ZNF804A: variants seen among roughly 807,000 people sequenced by gnomAD.
ZNF804A encodes the protein zinc finger protein 804A.
In ZNF804A, 2 loss-of-function variants were observed where a neutral mutation model predicts 16.5. The observed-to-expected ratio is 0.12, with a 90% CI of 0.05 to 0.38. The LOEUF (loss-of-function observed/expected upper bound fraction) is 0.38. Among genes scored for constraint, ZNF804A ranks in the 10% least tolerant of loss-of-function variants. ZNF804A has a pLI of 0.99. For synonymous variants in ZNF804A, 534 were observed against 489.6 expected (o/e 1.09, Z -1.20); for missense variants, 1,473 against 1,390.7 (o/e 1.06, Z -0.94).
In ZNF804A at chr2:184,900,051, T is replaced by C. The variant is rs987483844; in HGVS notation, c.255+33539T>C. Among the ~76,000 whole-genome samples, 4 of 152,226 alleles carry C rather than the reference T, an allele frequency of 2.6e-5. No individual in the cohort carries two copies. In the East Asian group the frequency reaches 5.8e-4, roughly 22 times the overall value. On this transcript the variant is annotated intron_variant, in intron 2 of 3. Coordinates refer to ENST00000302277, the MANE Select transcript of ZNF804A (RefSeq NM_194250.2). ...AATAATAAAAATTATAATTCAGTTT[T>C]AAAATAAATAGAATCTAAGAAAAAT... is the stretch of plus-strand genomic sequence containing the variant.
At chr2:184,906,981 T>C (rs998810583) in intron 2 of ZNF804A, among the ~76,000 whole-genome samples, 11 of 152,172 alleles carry the variant, frequency 7.2e-5, no homozygotes, top group African/African-American at 2.7e-4. Flanking sequence ...GATCTCTGAC[T>C]GACAGCCAAC....
At chr2:184,604,931 A>G (rs928640088) in intron 1 of ZNF804A, among the ~76,000 whole-genome samples, 39 of 152,248 alleles carry the variant, frequency 2.6e-4, no homozygotes, top group African/African-American at 9.4e-4. Flanking sequence ...TTGCATTTTA[A>G]AATTGCAAAC....
intron 1 of ZNF804A, among the ~76,000 whole-genome samples, chr2:184,804,000 T>A (rs1694763127): frequency 6.6e-6 from 1 of 151,962 alleles, no homozygotes; most frequent in South Asian, 2.1e-4. Flanking sequence ...GTCTCTGGGA[T>A]TAGAGGTGTG....
At chr2:184,846,708 G>A (rs1037396288) in intron 1 of ZNF804A, among the ~76,000 whole-genome samples, 5 of 151,946 alleles carry the variant, frequency 3.3e-5, no homozygotes, top group African/African-American at 1.2e-4. Flanking sequence ...CAAACATGAA[G>A]GTGACTAATC....
intron 1 of ZNF804A, among the ~76,000 whole-genome samples, chr2:184,707,657 T>A (rs1453610848): frequency 6.6e-6 from 1 of 152,178 alleles, no homozygotes; most frequent in Non-Finnish European, 1.5e-5. Flanking sequence ...CCGTGGTGTA[T>A]ATGTATGATA....
chr2:184,738,280 A>G (rs912092861), intron 1 of ZNF804A, among the ~76,000 whole-genome samples: 4 of 150,868 alleles, frequency 2.7e-5, no homozygotes, highest in African/African-American at 9.7e-5. Context: ...GAGCACTGCT[A>G]AAAAAAAAGG....
At chr2:184,868,546 A>G (rs1402790486) in intron 2 of ZNF804A, among the ~76,000 whole-genome samples, 8 of 152,056 alleles carry the variant, frequency 5.3e-5, no homozygotes, top group Admixed American at 5.2e-4. Flanking sequence ...GCTGTACTTG[A>G]CACTTAAAAA....
chr2:184,810,813 T>C (rs979949389), intron 1 of ZNF804A, among the ~76,000 whole-genome samples: 10 of 152,208 alleles, frequency 6.6e-5, no homozygotes, highest in Admixed American at 1.3e-4. Context: ...TTTCATGAGA[T>C]TGATCAAATA....
intron 1 of ZNF804A, among the ~76,000 whole-genome samples, chr2:184,735,125 C>T (rs1693586184): frequency 1.3e-5 from 2 of 152,130 alleles, no homozygotes; most frequent in Non-Finnish European, 2.9e-5. Context: ...ATGTTTGTCT[C>T]TTAATTGTTG....
chr2:184,829,923 CAA>C (rs1558974950), intron 1 of ZNF804A, among the ~76,000 whole-genome samples: 4 of 66,460 alleles, frequency 6.0e-5, no homozygotes, highest in African/African-American at 3.0e-4. Context: ...AAAAAAAAAA[CAA>C]AAACAAAAAA....
chr2:184,893,506 G>A (rs1238774976), intron 2 of ZNF804A, among the ~76,000 whole-genome samples: 2 of 150,616 alleles, frequency 1.3e-5, no homozygotes, highest in East Asian at 1.9e-4. Context: ...TACATCAAAT[G>A]TTAAATTTTC....
intron 2 of ZNF804A, among the ~76,000 whole-genome samples, chr2:184,871,402 G>T (rs183499243): frequency 2.5e-5 from 3 of 121,922 alleles, no homozygotes; most frequent in East Asian, 2.3e-4. Context: ...CTGAAACATA[G>T]AAATTACTCC....
chr2:184,793,398 A>G (rs1319592067), intron 1 of ZNF804A, among the ~76,000 whole-genome samples: 1 of 152,118 alleles, frequency 6.6e-6, no homozygotes, highest in Admixed American at 6.6e-5. Context: ...CCCACAGTGT[A>G]TAAGTGTTGC....
chr2:184,888,051 T>C (rs1185778633), intron 2 of ZNF804A, among the ~76,000 whole-genome samples: 5 of 152,038 alleles, frequency 3.3e-5, no homozygotes, highest in Non-Finnish European at 7.4e-5. Context: ...TACAAAACAA[T>C]CTCAATAAGA....
chr2:184,842,451 T>G (rs1329898915), intron 1 of ZNF804A, among the ~76,000 whole-genome samples: 2 of 152,150 alleles, frequency 1.3e-5, no homozygotes, highest in African/African-American at 4.8e-5. Flanking sequence ...GCTAGAAGTT[T>G]TGAGAACTAT....
At chr2:184,664,352 A>G (rs892378476) in intron 1 of ZNF804A, among the ~76,000 whole-genome samples, 4 of 152,144 alleles carry the variant, frequency 2.6e-5, no homozygotes, top group Admixed American at 6.5e-5. Context: ...ATTATAAACT[A>G]CACAATATTA....
chr2:184,629,289 C>T (rs1046105036), intron 1 of ZNF804A, among the ~76,000 whole-genome samples: 1 of 151,938 alleles, frequency 6.6e-6, no homozygotes, highest in Non-Finnish European at 1.5e-5. Context: ...AATATCTTTC[C>T]TGCATTCCTT....
chr2:184,887,114 G>A (rs921919729), intron 2 of ZNF804A, among the ~76,000 whole-genome samples: 4 of 152,158 alleles, frequency 2.6e-5, no homozygotes, highest in African/African-American at 7.2e-5. Flanking sequence ...ATGCTTTGCT[G>A]GTTACAAATT....
chr2:184,763,630 CTTTTTTTTTTTTTTTTT>C (rs1188087789), intron 1 of ZNF804A, among the ~76,000 whole-genome samples: 1 of 21,256 alleles, frequency 4.7e-5, no homozygotes, highest in Non-Finnish European at 7.8e-5. Context: ...CTTCAAAGTG[CTTTTTTTTTTTTTTTTT>C]TTTTTTTTTT....
Sources: gnomAD v4.1 joint callset for allele counts (sites outside exome capture counted in the v4.1 genomes callset) on GRCh38, gnomAD v4.1.1 for gene constraint, MANE v1.5 for transcripts, NCBI Gene and HGNC (gene_info 2026-07-23, HGNC 2026-07-21) for gene names.